Variants in AKAP9 observed in about 807,000 individuals in gnomAD.
AKAP9 encodes the protein A-kinase anchor protein 9.
AKAP9 carries 311 observed loss-of-function variants against 488.5 expected under a neutral mutation model. The observed-to-expected ratio is 0.64, with a 90% CI of 0.58 to 0.70. The LOEUF is 0.70. Ranked by LOEUF, AKAP9 falls within the 30% of genes least tolerant of loss-of-function variation. The probability of loss-of-function intolerance (pLI) is 0.00; values close to 1 mark genes in which losing one functional copy is unlikely to be tolerated. For synonymous variants in AKAP9, 1,462 were observed against 1,483.5 expected (o/e 0.99, Z 0.33); for missense variants, 4,215 against 4,374.5 (o/e 0.96, Z 1.03).
At chr7:92,037,707 T>C (rs1043508118) in intron 16 of AKAP9, among the ~76,000 whole-genome samples, 1 of 152,208 alleles carries the variant, frequency 6.6e-6, no homozygotes, top group African/African-American at 2.4e-5. Context: ...TCTACTCATA[T>C]TTACCAGTCA....
intron 1 of AKAP9, among the ~76,000 whole-genome samples, chr7:91,971,270 T>C (rs1181509878): frequency 6.6e-6 from 1 of 152,198 alleles, no homozygotes; most frequent in Admixed American, 6.5e-5. Flanking sequence ...TGAGAGCCTC[T>C]AATGATTCTT....
chr7:92,007,639 G>T (rs1328815459), intron 8 of AKAP9, among the ~76,000 whole-genome samples: 1 of 152,222 alleles, frequency 6.6e-6, no homozygotes, highest in Non-Finnish European at 1.5e-5. Context: ...GTTATCTCTA[G>T]ATTAATCTGT....
At chr7:91,961,671 C>A (rs1793749630) in intron 1 of AKAP9, among the ~76,000 whole-genome samples, 2 of 151,664 alleles carry the variant, frequency 1.3e-5, no homozygotes, top group Admixed American at 1.3e-4. Context: ...GGTGAAACCC[C>A]ATCTCCACTA....
In AKAP9 at chr7:92,097,100, G is replaced by A. The variant is rs1816736879; in HGVS notation, c.10141G>A (p.Glu3381Lys). ...LDSLQTRQQMEKDRQVHRKTL... is the reference protein window; with the variant it reads ...LDSLQTRQQMKKDRQVHRKTL... ...TTCTTTGCAAACACGACAGCAAATG[G>A]AAAAAGATAGGCAGGTTCACAGGAA... The change falls in exon 41 of 50, where the codon GAA becomes AAA. Residue 3381 changes from glutamate (E) to lysine (K), a missense_variant. Around this residue, in one of 5 missense-constraint regions of AKAP9, gnomAD observed 1,476 missense variants for 1,477.4 expected, o/e 1.00. Transcript: ENST00000356239. 1 of 1,614,086 alleles carries A rather than the reference G, an allele frequency of 6.2e-7. No individual in the cohort carries two copies. Among genetic ancestry groups the A allele is most frequent in the Non-Finnish European group, 8.5e-7 (1 of 1,180,038 alleles).
At position 92,102,848 on chromosome 7, in the gene AKAP9, C is replaced by T. The variant is rs374293157; in HGVS notation, c.11330+22C>T. 6.0e-5 allele frequency: 94 copies of T among 1,576,928 alleles called. No individual in the cohort carries two copies. The African/African-American group carries it at 1.1e-3, about 19-fold the overall frequency. ...CCAGGTAAAGACTTGAAGGAAAATG[C>T]ATTTTACTAGTAGACTCTCTAAAAG... On this transcript the variant is annotated intron_variant, in intron 46 of 49. Coordinates refer to ENST00000356239, the MANE Select transcript of AKAP9 (RefSeq NM_005751.5).
chr7:92,053,081 C>G (rs1808257762), intron 22 of AKAP9, 123 bp downstream of exon 22: 1 of 762,890 alleles, frequency 1.3e-6, no homozygotes, highest in Admixed American at 2.0e-5. Flanking sequence ...AGCTTGAATG[C>G]ATATGCATCT....
At chr7:92,008,862 T>A (rs28766948) in intron 8 of AKAP9, among the ~76,000 whole-genome samples, 60,563 of 150,778 alleles carry the variant, frequency 0.4, 12,417 homozygotes, top group African/African-American at 0.47. Flanking sequence ...AGCGTGCACC[T>A]GTAGTCTCAG....
chr7:92,077,610 T>C, intron 29 of AKAP9, 86 bp from the exon 30 acceptor site: 2 of 1,150,298 alleles, frequency 1.7e-6, no homozygotes, highest in Non-Finnish European at 2.6e-6. Flanking sequence ...CATTTGTACG[T>C]TATAGGCTCT....
At chr7:92,070,806 C>CAA (rs34613656) in intron 27 of AKAP9, 99 bp from the exon 28 acceptor site, 39,084 of 452,874 alleles carry the variant, frequency 0.086, 106 homozygotes, top group Middle Eastern at 0.1. Flanking sequence ...TGCTGCTTCT[C>CAA]AAAAAAAAAA....
Position 92,079,901 on chromosome 7 carries a change from A to T in AKAP9, c.7768A>T (p.Asn2590Tyr), listed in dbSNP as rs1209444839. The change falls in exon 31 of 50, where the codon AAT becomes TAT. Residue 2590 changes from asparagine (N) to tyrosine (Y), a missense_variant. This residue lies in a region of AKAP9 where 1,476 missense variants were observed against 1,477.4 expected (regional missense o/e 1.00). Transcript: ENST00000356239. Reference protein sequence around the residue: ...EPERTNIQNLNQLREDELGSD... With the variant: ...EPERTNIQNLYQLREDELGSD... ...TGAAAGAACAAATATTCAGAATTTA[A>T]ATCAACTAAGAGAAGATGAGTTGGG... The T allele has an allele frequency of 6.2e-6, 10 of 1,613,854 alleles. 1 individual carries two copies. Among genetic ancestry groups the T allele is most frequent in the South Asian group, 3.3e-5 (3 of 91,046 alleles).
rs1457437233 is a variant in AKAP9, at chr7:92,097,814, T to A, written c.10607+20T>A. On this transcript the variant is annotated intron_variant, in intron 42 of 49. Coordinates refer to ENST00000356239, the MANE Select transcript of AKAP9 (RefSeq NM_005751.5). ...TGAGAGGTTAGACTTTTCTGCCTGA[T>A]CTTTGGGAAAGTAGTATTCTTAGGC... The A allele has an allele frequency of 3.7e-6, 6 of 1,611,602 alleles. No homozygotes were observed. The African/African-American group carries it at 8.0e-5, about 22-fold the overall frequency.
At chr7:91,983,465 G>C (rs1796686538) in intron 3 of AKAP9, among the ~76,000 whole-genome samples, 1 of 152,066 alleles carries the variant, frequency 6.6e-6, no homozygotes, top group Non-Finnish European at 1.5e-5. Flanking sequence ...TGGACATTTG[G>C]GTTGGTTCCA....
intron 14 of AKAP9, among the ~76,000 whole-genome samples, chr7:92,025,746 A>G (rs919767794): frequency 6.6e-6 from 1 of 152,202 alleles, no homozygotes; most frequent in Non-Finnish European, 1.5e-5. Context: ...AATAGGGATA[A>G]TAATAATTAC....
At chr7:92,103,305 A>T (rs1405548883) in intron 46 of AKAP9, among the ~76,000 whole-genome samples, 2 of 144,248 alleles carry the variant, frequency 1.4e-5, no homozygotes, top group Non-Finnish European at 3.0e-5. Flanking sequence ...CAGGAGAATC[A>T]CTTGAACCTG....
intron 5 of AKAP9, among the ~76,000 whole-genome samples, chr7:91,993,750 T>G (rs759214431): frequency 6.6e-6 from 1 of 152,224 alleles, no homozygotes; most frequent in Non-Finnish European, 1.5e-5. Flanking sequence ...CTGAAATCAC[T>G]TTAATAAGAC....
intron 43 of AKAP9, 129 bp from the exon 44 acceptor site, chr7:92,099,558 C>A: frequency 1.1e-6 from 1 of 895,974 alleles, no homozygotes; most frequent in Non-Finnish European, 1.8e-6. Flanking sequence ...TAAATATCTA[C>A]CTATTACTGA....
At chr7:92,019,070 A>G (rs1304676539) in intron 12 of AKAP9, among the ~76,000 whole-genome samples, 1 of 152,204 alleles carries the variant, frequency 6.6e-6, no homozygotes, top group Non-Finnish European at 1.5e-5. Context: ...GAGTACAAAG[A>G]ATATGAAAGA....
chr7:92,097,303 A>C lies in AKAP9; in HGVS notation c.10344A>C (p.Leu3448=). 1.9e-6 allele frequency: 3 copies of C among 1,613,896 alleles called. No homozygotes were observed. Among genetic ancestry groups the C allele is most frequent in the Non-Finnish European group, 2.5e-6 (3 of 1,180,008 alleles). The change falls in exon 41 of 50, where the codon CTA becomes CTC. Residue 3448 remains leucine, a synonymous_variant. Transcript: ENST00000356239. ...TGCAGGAATTCCAGAAGCAAGAACT[A>C]GAACGAGAAGAAAAACGAGAAAGTA... is the stretch of plus-strand genomic sequence containing the variant. The part of the protein sequence containing the change: ...GIMQEFQKQE[L]EREEKRESRR...
chr7:91,982,898 G>A (rs1049913929), intron 3 of AKAP9, among the ~76,000 whole-genome samples: 2 of 152,072 alleles, frequency 1.3e-5, no homozygotes, highest in Admixed American at 1.3e-4. Flanking sequence ...GTATGAGATG[G>A]TATCTCATTG....
Sources: gnomAD v4.1 joint callset for allele counts (sites outside exome capture counted in the v4.1 genomes callset) on GRCh38, gnomAD v4.1.1 for gene constraint, gnomAD v4.1.1 regional missense constraint, MANE v1.5 for transcripts, NCBI Gene and HGNC (gene_info 2026-07-23, HGNC 2026-07-21) for gene names.